The following KIRREL3 variants were observed in gnomAD, a reference collection of about 807,000 sequenced individuals.
KIRREL3 encodes the protein kirre like nephrin family adhesion molecule 3.
A neutral mutation model predicts 89.7 loss-of-function variants in KIRREL3; 36 were observed. The observed-to-expected ratio is 0.40, with a 90% CI of 0.31 to 0.53. The LOEUF is 0.53. Among genes scored for constraint, KIRREL3 ranks in the 20% least tolerant of loss-of-function variants. KIRREL3 has a pLI of 0.49. For synonymous variants in KIRREL3, 445 were observed against 441.4 expected, an observed-to-expected ratio of 1.01 and a Z score of -0.10; for missense variants, 864 against 1,056.6, an observed-to-expected ratio of 0.82 and a Z score of 2.53.
chr11:126,494,571 A>G (rs4937141), intron 4 of KIRREL3, among the ~76,000 whole-genome samples: 134,025 of 152,256 alleles, frequency 0.88, 59,046 homozygotes, highest in East Asian at 0.96. Context: ...GCTTTAAAAT[A>G]TTATTTGTCT....
intron 4 of KIRREL3, among the ~76,000 whole-genome samples, chr11:126,504,810 C>T (rs1435936798): frequency 6.6e-6 from 1 of 152,184 alleles, no homozygotes; most frequent in Admixed American, 6.5e-5. Flanking sequence ...ATGCCATGAC[C>T]ACATGGGATT....
chr11:126,546,930 A>T (rs1938854873), intron 2 of KIRREL3, among the ~76,000 whole-genome samples: 1 of 152,248 alleles, frequency 6.6e-6, no homozygotes, highest in South Asian at 2.1e-4. Context: ...AAAGTCATAT[A>T]CTGAGACAGG....
intron 1 of KIRREL3, among the ~76,000 whole-genome samples, chr11:126,998,204 C>A (rs981741704): frequency 2.0e-5 from 3 of 152,212 alleles, no homozygotes; most frequent in African/African-American, 7.2e-5. Flanking sequence ...CTGGGGAATT[C>A]ATAATGCTCA....
rs1379306364 is a variant in KIRREL3, at chr11:126,516,979, G to C, written c.433+4336C>G. ...GTAATCCCAGCTACTCAGGAGGCTGGAGCAGGAGGACCCAGAAGGCGGAGG... is the reference window on the plus strand; with the variant it reads ...GTAATCCCAGCTACTCAGGAGGCTGCAGCAGGAGGACCCAGAAGGCGGAGG... On this transcript the variant is annotated intron_variant, in intron 4 of 16. Transcript: ENST00000525144. This position sits in a 1 kb window ranked among gnomAD's most constrained non-coding sequence, Gnocchi z 4.9. Among the ~76,000 whole-genome samples, 2 of 152,066 alleles carry C rather than the reference G, an allele frequency of 1.3e-5. No individual in the cohort carries two copies. Among genetic ancestry groups the C allele is most frequent in the African/African-American group, 4.8e-5 (2 of 41,390 alleles).
intron 1 of KIRREL3, among the ~76,000 whole-genome samples, chr11:126,922,565 A>G (rs1199195524): frequency 6.6e-6 from 1 of 151,706 alleles, no homozygotes; most frequent in Non-Finnish European, 1.5e-5. Flanking sequence ...TCCATCCTCC[A>G]CTGGCTCTGC....
rs968507893 is a variant in KIRREL3, at chr11:126,515,738, C to T, written c.433+5577G>A. 6.6e-6 allele frequency among the ~76,000 whole-genome samples: 1 copy of T among 152,016 alleles called. No homozygotes were observed. Among genetic ancestry groups the T allele is most frequent in the Admixed American group, 6.6e-5 (1 of 15,238 alleles). On this transcript the variant is annotated intron_variant, in intron 4 of 16. Coordinates refer to ENST00000525144, the MANE Select transcript of KIRREL3 (RefSeq NM_032531.4). This position sits in a 1 kb window ranked among gnomAD's most constrained non-coding sequence, Gnocchi z 4.2. ...ACAGCTGGGGGCTGGCCTCGGGGGGCCTTGTGTGGCCTGGCAGGGAGCTTG... is the reference window on the plus strand; with the variant it reads ...ACAGCTGGGGGCTGGCCTCGGGGGGTCTTGTGTGGCCTGGCAGGGAGCTTG...
At chr11:126,583,164 C>T (rs779954780) in intron 1 of KIRREL3, among the ~76,000 whole-genome samples, 12 of 152,196 alleles carry the variant, frequency 7.9e-5, no homozygotes, top group Non-Finnish European at 1.6e-4. Flanking sequence ...TCTGACACAC[C>T]ATGTCAGATG....
chr11:126,986,826 A>C (rs1239468626), intron 1 of KIRREL3, among the ~76,000 whole-genome samples: 1 of 152,230 alleles, frequency 6.6e-6, no homozygotes, highest in Non-Finnish European at 1.5e-5. Context: ...TCTGGTTAGA[A>C]AGTGACTTTC....
intron 1 of KIRREL3, among the ~76,000 whole-genome samples, chr11:126,864,037 C>T (rs932319637): frequency 5.9e-5 from 9 of 152,192 alleles, no homozygotes; most frequent in South Asian, 4.1e-4. Context: ...TAGTTTCCTC[C>T]GCTCCTCCCC....
In KIRREL3 at chr11:126,669,966, C is replaced by T. The variant is rs917701810; in HGVS notation, c.56-107054G>A. 2.6e-5 allele frequency among the ~76,000 whole-genome samples: 4 copies of T among 152,176 alleles called. No individual in the cohort carries two copies. Among genetic ancestry groups the T allele is most frequent in the African/African-American group, 7.2e-5 (3 of 41,442 alleles). On this transcript the variant is annotated intron_variant, in intron 1 of 16. Transcript: ENST00000525144. The surrounding 1 kb of genome is among the most constrained non-coding windows in gnomAD (Gnocchi z 5.0). ...CAGTGCATTGCAGCACCATCCACCC[C>T]GTTGCTCAAGCTCATGCCTCAGTCT... is the stretch of plus-strand genomic sequence containing the variant.
rs1374070894 is a variant in KIRREL3 at position 126,719,324 on chromosome 11, C to A, written c.56-156412G>T. 6.6e-6 allele frequency among the ~76,000 whole-genome samples: 1 copy of A among 152,202 alleles called. No individual in the cohort carries two copies. The highest frequency in any genetic ancestry group is 1.5e-5 in the Non-Finnish European group (1 of 68,032). ...TGTTTGAACGCCTTCTTCTCTTAGC[C>A]TCTGGGAGAGCAGTCTCTTACGGGT... On this transcript the variant is annotated intron_variant, in intron 1 of 16. Transcript: ENST00000525144. This position sits in a 1 kb window ranked among gnomAD's most constrained non-coding sequence, Gnocchi z 4.7.
At chr11:126,473,647 C>T (rs971811570) in intron 4 of KIRREL3, among the ~76,000 whole-genome samples, 181 bp from the exon 5 acceptor site, 3 of 152,198 alleles carry the variant, frequency 2.0e-5, no homozygotes, top group Non-Finnish European at 4.4e-5. Flanking sequence ...GACATGTGCA[C>T]TGCGTGCTTA....
In KIRREL3 at chr11:126,436,914, C is replaced by T; in HGVS notation, c.1449G>A (p.Leu483=). The stretch of plus-strand genomic sequence containing the variant: ...CGGCCCGCACGATGTTGCTGATGGT[C>T]AGGGTGGAGATGACGCCCTCCTCGG... ...ISTEEGVIST[L]TISNIVRADF... is the part of the protein sequence containing the mutation. Residue 483 remains leucine, a synonymous_variant, in exon 12 of 17, where the codon CTG becomes CTA. Coordinates refer to ENST00000525144, the MANE Select transcript of KIRREL3 (RefSeq NM_032531.4). 1.9e-6 allele frequency: 3 copies of T among 1,613,452 alleles called. No individual in the cohort carries two copies. Among genetic ancestry groups the T allele is most frequent in the Non-Finnish European group, 2.5e-6 (3 of 1,179,794 alleles).
rs368150263 is a variant in KIRREL3, at chr11:126,463,467, C to G, written c.592-160G>C. 6.6e-6 allele frequency among the ~76,000 whole-genome samples: 1 copy of G among 152,136 alleles called. No homozygotes were observed. The highest frequency in any genetic ancestry group is 1.5e-5 in the Non-Finnish European group (1 of 68,024). The stretch of plus-strand genomic sequence containing the variant: ...GGGCTGCCCATGTCTACGCAGAGCT[C>G]GGGGGTTACCCCCTGGCTCCCTGGC... On this transcript the variant is annotated intron_variant, in intron 5 of 16. Coordinates refer to ENST00000525144, the MANE Select transcript of KIRREL3 (RefSeq NM_032531.4). This position sits in a 1 kb window ranked among gnomAD's most constrained non-coding sequence, Gnocchi z 5.9.
At chr11:126,834,416 TA>T in intron 1 of KIRREL3, among the ~76,000 whole-genome samples, 1 of 152,192 alleles carries the variant, frequency 6.6e-6, no homozygotes, top group South Asian at 2.1e-4. Context: ...GACTCACAGA[TA>T]AAATGTGGAA....
intron 1 of KIRREL3, among the ~76,000 whole-genome samples, chr11:126,743,817 A>G (rs1340206812): frequency 1.3e-5 from 2 of 152,254 alleles, no homozygotes; most frequent in Admixed American, 6.5e-5. Flanking sequence ...AAGGCTCACC[A>G]ATGGCAAATA....
intron 1 of KIRREL3, among the ~76,000 whole-genome samples, chr11:126,986,106 G>A (rs972215720): frequency 1.8e-4 from 27 of 152,194 alleles, no homozygotes; most frequent in Non-Finnish European, 3.7e-4. Context: ...GGGTGTACAC[G>A]GCATCCACTG....
At chr11:126,444,947 T>G (rs754360076) in intron 10 of KIRREL3, 32 bp downstream of exon 10, 2 of 1,611,910 alleles carry the variant, frequency 1.2e-6, no homozygotes, top group South Asian at 2.2e-5. Context: ...CTTCCCTCCC[T>G]CAGGCCTGGC....
chr11:126,815,719 TAGAGACGGGGTTTCACTGTGTTAGTC>T (rs1951547754), intron 1 of KIRREL3, among the ~76,000 whole-genome samples: 2 of 152,096 alleles, frequency 1.3e-5, no homozygotes, highest in Admixed American at 1.3e-4. Flanking sequence ...ATGTTTTTAG[TAGAGACGGGGTTTCACTGTGTTAGTC>T]AGGACGGTCT....
Sources: gnomAD v4.1 joint callset for allele counts (sites outside exome capture counted in the v4.1 genomes callset) on GRCh38, gnomAD v4.1.1 for gene constraint, Gnocchi (gnomAD v3.1) non-coding constraint, MANE v1.5 for transcripts, NCBI Gene and HGNC (gene_info 2026-07-23, HGNC 2026-07-21) for gene names.